Variants in KHDRBS2 observed in about 807,000 individuals in gnomAD.
KHDRBS2 encodes the protein KH domain-containing, RNA-binding, signal transduction-associated protein 2.
Under a neutral mutation model 44.3 loss-of-function variants are expected in KHDRBS2, and 26 were observed. The ratio of observed to expected loss-of-function variants is 0.59; its 90% CI spans 0.43 to 0.81. The LOEUF is 0.81. Among genes scored for constraint, KHDRBS2 ranks in the 40% least tolerant of loss-of-function variants. The pLI, the probability that KHDRBS2 is intolerant of heterozygous loss-of-function variation, is 0.00. For missense variants in KHDRBS2, 476 were observed against 433.1 expected, an observed-to-expected ratio of 1.10 and a Z score of -0.88; for synonymous variants, 194 against 151.1, an observed-to-expected ratio of 1.28 and a Z score of -2.08.
intron 6 of KHDRBS2, among the ~76,000 whole-genome samples, chr6:61,781,466 T>C (rs1433141538): frequency 1.3e-5 from 2 of 152,164 alleles, no homozygotes; most frequent in Non-Finnish European, 2.9e-5. Context: ...ATAAGATCTA[T>C]GATTCAAGAG....
intron 2 of KHDRBS2, among the ~76,000 whole-genome samples, chr6:62,059,637 G>A (rs1269231302): frequency 2.0e-5 from 3 of 151,706 alleles, no homozygotes; most frequent in Non-Finnish European, 4.4e-5. Flanking sequence ...AAAAATTGGA[G>A]TATATTCCAT....
At chr6:61,886,764 T>A (rs1308972007) in intron 6 of KHDRBS2, among the ~76,000 whole-genome samples, 1 of 152,178 alleles carries the variant, frequency 6.6e-6, no homozygotes, top group Non-Finnish European at 1.5e-5. Context: ...AAGAGCCCTA[T>A]ATAGCAAATA....
intron 1 of KHDRBS2, among the ~76,000 whole-genome samples, chr6:62,247,506 G>C (rs1835792290): frequency 6.6e-6 from 1 of 151,982 alleles, no homozygotes; most frequent in African/African-American, 2.4e-5. Flanking sequence ...ATCTTAAATA[G>C]AGAAACCAAC....
At chr6:62,193,764 G>T (rs1446805376) in intron 1 of KHDRBS2, among the ~76,000 whole-genome samples, 1 of 151,952 alleles carries the variant, frequency 6.6e-6, no homozygotes, top group Non-Finnish European at 1.5e-5. Context: ...CTTTATTTTA[G>T]CCATCCTAGC....
intron 3 of KHDRBS2, among the ~76,000 whole-genome samples, chr6:62,020,770 T>G (rs553331738): frequency 6.6e-6 from 1 of 152,180 alleles, no homozygotes; most frequent in East Asian, 1.9e-4. Flanking sequence ...TCCTGTTGAT[T>G]GGTGTTATCA....
rs1830154314 is a variant in KHDRBS2, at chr6:62,217,181, C to T, written c.92-39869G>A. Among the ~76,000 whole-genome samples, 2 of 151,616 alleles carry T rather than the reference C, an allele frequency of 1.3e-5. 1 individual carries two copies. The highest frequency in any genetic ancestry group is 2.9e-5 in the Non-Finnish European group (2 of 67,804). On this transcript the variant is annotated intron_variant, in intron 1 of 8. Transcript: ENST00000281156. ...TGCAGAAGGAGCAATGTCTCTTCGCCGTTTTCAATAAGAGCTGAGTCTTTC... is the reference window on the plus strand; with the variant it reads ...TGCAGAAGGAGCAATGTCTCTTCGCTGTTTTCAATAAGAGCTGAGTCTTTC...
the KHDRBS2 span, among the ~76,000 whole-genome samples, chr6:61,670,699 G>T: frequency 1.3e-5 from 2 of 148,654 alleles, no homozygotes; most frequent in African/African-American, 5.0e-5. Flanking sequence ...AATTACAGAA[G>T]TTGGACAAAT....
At chr6:61,567,612 G>A in the KHDRBS2 span, among the ~76,000 whole-genome samples, 3 of 152,152 alleles carry the variant, frequency 2.0e-5, no homozygotes, top group Non-Finnish European at 4.4e-5. Context: ...CTGCACACTA[G>A]CTTGGGCAAC....
intron 8 of KHDRBS2, among the ~76,000 whole-genome samples, chr6:61,696,466 C>T (rs1767918181): frequency 6.6e-6 from 1 of 151,678 alleles, no homozygotes; most frequent in Non-Finnish European, 1.5e-5. Context: ...ACCATGTTGG[C>T]CAAGATGGTC....
chr6:62,020,264 C>T (rs1382141689), intron 3 of KHDRBS2, among the ~76,000 whole-genome samples: 2 of 151,966 alleles, frequency 1.3e-5, no homozygotes, highest in Non-Finnish European at 2.9e-5. Context: ...CCAGAGGTAA[C>T]ATATTTATTT....
chr6:61,561,159 C>T, the KHDRBS2 span, among the ~76,000 whole-genome samples: 28 of 152,092 alleles, frequency 1.8e-4, no homozygotes, highest in Non-Finnish European at 4.4e-5. Context: ...GTCTTCTCTT[C>T]CCTTACTTTC....
At chr6:61,960,044 T>G (rs1768289719) in intron 4 of KHDRBS2, among the ~76,000 whole-genome samples, 1 of 151,300 alleles carries the variant, frequency 6.6e-6, no homozygotes, top group Admixed American at 6.6e-5. Context: ...TTAGAATTTG[T>G]GTTTAATATC....
intron 2 of KHDRBS2, among the ~76,000 whole-genome samples, chr6:62,142,783 A>C (rs1813117907): frequency 6.6e-6 from 1 of 151,784 alleles, no homozygotes; most frequent in African/African-American, 2.4e-5. Flanking sequence ...ATTTCAAACA[A>C]GCAGGTGGCA....
intron 2 of KHDRBS2, among the ~76,000 whole-genome samples, chr6:62,076,495 T>A (rs1409613743): frequency 6.6e-6 from 1 of 151,956 alleles, no homozygotes; most frequent in Non-Finnish European, 1.5e-5. Context: ...AATCAGTAGA[T>A]AATGTTGGTT....
chr6:62,071,717 A>G (rs1444257339), intron 2 of KHDRBS2, among the ~76,000 whole-genome samples: 1 of 152,216 alleles, frequency 6.6e-6, no homozygotes, highest in Non-Finnish European at 1.5e-5. Context: ...TTTTGGTACC[A>G]GTACCATGCT....
chr6:61,811,809 T>A (rs1390051951), intron 6 of KHDRBS2, among the ~76,000 whole-genome samples: 2 of 152,066 alleles, frequency 1.3e-5, no homozygotes, highest in Non-Finnish European at 2.9e-5. Context: ...TGTCACAAAA[T>A]TCCTTCTTTT....
intron 1 of KHDRBS2, among the ~76,000 whole-genome samples, chr6:62,224,942 C>A (rs535540784): frequency 3.1e-4 from 47 of 152,278 alleles, no homozygotes; most frequent in Admixed American, 2.4e-3. Context: ...CCATGATCCC[C>A]AAGTTGGGCT....
the KHDRBS2 span, among the ~76,000 whole-genome samples, chr6:61,638,902 T>G: frequency 6.6e-6 from 1 of 152,240 alleles, no homozygotes; most frequent in South Asian, 2.1e-4. Flanking sequence ...GTTGTTGTTG[T>G]CTTAATGTGC....
chr6:62,142,623 T>G, intron 2 of KHDRBS2, among the ~76,000 whole-genome samples: 1 of 151,920 alleles, frequency 6.6e-6, no homozygotes, highest in Non-Finnish European at 1.5e-5. Flanking sequence ...TTGAAAAAAT[T>G]TCATGATAAA....
Sources: allele counts gnomAD v4.1 joint callset (sites outside exome capture counted in the v4.1 genomes callset), GRCh38; gene constraint gnomAD v4.1.1; transcripts MANE v1.5; gene names NCBI Gene and HGNC (gene_info 2026-07-23, HGNC 2026-07-21).